ROS1: variants seen among roughly 807,000 people sequenced by gnomAD.
ROS1 encodes the protein proto-oncogene tyrosine-protein kinase ROS.
ROS1 carries 263 observed loss-of-function variants against 273.5 expected under a neutral mutation model. The ratio of observed to expected loss-of-function variants is 0.96; its 90% CI spans 0.87 to 1.06. The LOEUF is 1.06. Among genes scored for constraint, ROS1 ranks in the 50% least tolerant of loss-of-function variants. ROS1 has a pLI of 0.00. For missense variants in ROS1, 2,833 were observed against 2,751.1 expected (o/e 1.03, Z -0.67); for synonymous variants, 1,008 against 954.1 (o/e 1.06, Z -1.04).
At position 117,353,029 on chromosome 6, in the gene ROS1, G is replaced by A; in HGVS notation, c.4264C>T (p.His1422Tyr). 6.2e-7 allele frequency: 1 copy of A among 1,614,040 alleles called. No homozygotes were observed. The highest frequency in any genetic ancestry group is 2.2e-5 in the East Asian group (1 of 44,876). Residue 1422 changes from histidine (H) to tyrosine (Y), a missense_variant, in exon 27 of 44, where the codon CAT (histidine) becomes TAT (tyrosine). By Grantham distance (83) the His-to-Tyr change is moderately conservative. Transcript: ENST00000368507. ...ATAACTGAACTGTAAGCCAAGATATGCCTACTCCTTAGGGCCTTCACCTGG... is the reference window on the plus strand; with the variant it reads ...ATAACTGAACTGTAAGCCAAGATATACCTACTCCTTAGGGCCTTCACCTGG... Reference protein sequence around the residue: ...VSQVKALRSRHILAYSSVMQP... With the variant: ...VSQVKALRSRYILAYSSVMQP...
chr6:117,404,166 A>T (rs1344108701), intron 6 of ROS1, 114 bp downstream of exon 6: 1 of 952,084 alleles, frequency 1.1e-6, no homozygotes, highest in Non-Finnish European at 1.6e-6. Context: ...GCTTGCAGTA[A>T]GCTGAGATCG....
intron 34 of ROS1, among the ~76,000 whole-genome samples, chr6:117,324,991 G>GA (rs1776534038): frequency 6.6e-6 from 1 of 151,776 alleles, no homozygotes; most frequent in African/African-American, 2.4e-5. Flanking sequence ...GAAGGAGAAG[G>GA]AAAAAGAGAA....
intron 32 of ROS1, among the ~76,000 whole-genome samples, chr6:117,330,736 G>A (rs1158718106): frequency 6.6e-6 from 1 of 152,080 alleles, no homozygotes; most frequent in Non-Finnish European, 1.5e-5. Context: ...TACAGAAGAG[G>A]GAAGTGACTA....
intron 31 of ROS1, among the ~76,000 whole-genome samples, chr6:117,338,808 T>C (rs1322592345): frequency 6.6e-6 from 1 of 152,034 alleles, no homozygotes; most frequent in Non-Finnish European, 1.5e-5. Context: ...GTCAGGACTT[T>C]CCATTTGTCA....
Position 117,301,154 on chromosome 6 carries a change from A to G in ROS1, c.6552-17T>C, listed in dbSNP as rs1318157405. ...AAATTCCACCTAAATATATGGGGAAAGATGGGAAAGTAAATAGCAATTGGA... is the reference window on the plus strand; with the variant it reads ...AAATTCCACCTAAATATATGGGGAAGGATGGGAAAGTAAATAGCAATTGGA... On this transcript the variant is annotated splice_polypyrimidine_tract_variant and intron_variant, in intron 42 of 43. Coordinates refer to ENST00000368507, the MANE Select transcript of ROS1 (RefSeq NM_001378902.1). The G allele has an allele frequency of 1.9e-6, 3 of 1,565,334 alleles. No homozygotes were observed. The South Asian group carries it at 3.8e-5, about 20-fold the overall frequency.
intron 35 of ROS1, among the ~76,000 whole-genome samples, chr6:117,322,025 A>AT (rs869134748): frequency 8.6e-5 from 13 of 151,994 alleles, no homozygotes; most frequent in African/African-American, 2.9e-4. Context: ...TAATAATAAA[A>AT]TTTTTTTAAT....
chr6:117,339,010 C>A (rs1449563047), intron 31 of ROS1, among the ~76,000 whole-genome samples: 2 of 152,046 alleles, frequency 1.3e-5, no homozygotes, highest in African/African-American at 4.8e-5. Context: ...AATTACCAAA[C>A]AAAATTATTT....
chr6:117,382,917 G>A (rs1403560966), intron 17 of ROS1, among the ~76,000 whole-genome samples: 2 of 152,112 alleles, frequency 1.3e-5, no homozygotes, highest in Non-Finnish European at 2.9e-5. Flanking sequence ...TTTTAAAACA[G>A]TCAGTGCCCA....
Position 117,409,577 on chromosome 6 carries a change from C to T in ROS1, c.316+5G>A. 6.2e-7 allele frequency: 1 copy of T among 1,611,910 alleles called. No homozygotes were observed. Among genetic ancestry groups the T allele is most frequent in the Non-Finnish European group, 8.5e-7 (1 of 1,178,110 alleles). On this transcript the variant is annotated splice_donor_5th_base_variant and intron_variant, in intron 5 of 43. Transcript: ENST00000368507. ...ATTTTTTAAAAGTCGTGTGTGTCCT[C>T]TTACCCAGTACTTCCTCTTCATATG...
chr6:117,304,122 C>T (rs1272598128), intron 42 of ROS1, among the ~76,000 whole-genome samples: 1 of 152,106 alleles, frequency 6.6e-6, no homozygotes, highest in African/African-American at 2.4e-5. Context: ...CAGTGCCAAG[C>T]TTGGCTCTAT....
At chr6:117,412,023 G>A (rs945845334) in intron 4 of ROS1, among the ~76,000 whole-genome samples, 1 of 152,160 alleles carries the variant, frequency 6.6e-6, no homozygotes, top group African/African-American at 2.4e-5. Context: ...TGGGCTTGCA[G>A]AGATTTGGGC....
chr6:117,337,816 C>G (rs1777588369), intron 31 of ROS1, among the ~76,000 whole-genome samples: 1 of 152,084 alleles, frequency 6.6e-6, no homozygotes, highest in South Asian at 2.1e-4. Flanking sequence ...GACTTACAAA[C>G]TAAGACTTTT....
At chr6:117,360,547 T>C (rs1036368364) in intron 22 of ROS1, 142 bp from the exon 23 acceptor site, 2 of 515,616 alleles carry the variant, frequency 3.9e-6, no homozygotes, top group African/African-American at 4.0e-5. Context: ...TTGACATTAA[T>C]ATACAGCAAT....
chr6:117,349,595 C>T (rs1778645247), intron 27 of ROS1, among the ~76,000 whole-genome samples: 1 of 151,970 alleles, frequency 6.6e-6, no homozygotes, highest in Admixed American at 6.5e-5. Flanking sequence ...AAATTAAGAT[C>T]TACCATATTT....
chr6:117,339,988 A>C (rs1426651798), intron 31 of ROS1, among the ~76,000 whole-genome samples: 2 of 152,096 alleles, frequency 1.3e-5, no homozygotes, highest in African/African-American at 2.4e-5. Flanking sequence ...CTAGGGTGTC[A>C]ATTATCTCTG....
chr6:117,402,625 C>T (rs1205369906), intron 7 of ROS1, among the ~76,000 whole-genome samples: 11 of 152,146 alleles, frequency 7.2e-5, no homozygotes, highest in East Asian at 5.8e-4. Flanking sequence ...AGGTGGCTCA[C>T]GCCTATAATC....
chr6:117,422,201 G>C (rs560568926), intron 1 of ROS1, among the ~76,000 whole-genome samples: 1 of 152,070 alleles, frequency 6.6e-6, no homozygotes, highest in Non-Finnish European at 1.5e-5. Context: ...GTAGAGACAG[G>C]AGTCTCACCA....
chr6:117,307,730 C>G (rs1239816682), intron 42 of ROS1, among the ~76,000 whole-genome samples: 2 of 152,024 alleles, frequency 1.3e-5, no homozygotes, highest in African/African-American at 4.8e-5. Context: ...TTAAATAATA[C>G]AAAAACATTC....
At chr6:117,357,009 G>T in intron 25 of ROS1, 94 bp from the exon 26 acceptor site, 1 of 1,069,458 alleles carries the variant, frequency 9.4e-7, no homozygotes, top group Non-Finnish European at 1.4e-6. Flanking sequence ...GCTAATGACT[G>T]TGAGGGACAA....
Sources: allele counts gnomAD v4.1 joint callset (sites outside exome capture counted in the v4.1 genomes callset), GRCh38; gene constraint gnomAD v4.1.1; transcripts MANE v1.5; gene names NCBI Gene and HGNC (gene_info 2026-07-23, HGNC 2026-07-21).